ZFYVE28: variants seen among roughly 807,000 people sequenced by gnomAD.
ZFYVE28 encodes zinc finger FYVE-type containing 28, also known as lateral signaling target protein 2 homolog.
A neutral mutation model predicts 82.1 loss-of-function variants in ZFYVE28; 40 were observed. The observed-to-expected ratio is 0.49, with a 90% CI of 0.38 to 0.63. ZFYVE28 has a LOEUF of 0.63. Ranked by LOEUF, ZFYVE28 falls within the 30% of genes least tolerant of loss-of-function variation. ZFYVE28 has a pLI of 0.00. For missense variants in ZFYVE28, 1,321 were observed against 1,242.1 expected (o/e 1.06, Z -0.96); for synonymous variants, 612 against 546.1 (o/e 1.12, Z -1.68).
intron 6 of ZFYVE28, among the ~76,000 whole-genome samples, chr4:2,333,672 G>A (rs1270643987): frequency 1.3e-5 from 2 of 152,118 alleles, no homozygotes. Context: ...AAGCACTCGC[G>A]GAGAACTTTT....
chr4:2,323,859 C>T (rs1340312456), intron 6 of ZFYVE28, among the ~76,000 whole-genome samples: 4 of 152,096 alleles, frequency 2.6e-5, no homozygotes, highest in Non-Finnish European at 5.9e-5. Context: ...CATTTCCCTA[C>T]AAAGGACATG....
At chr4:2,347,939 C>A (rs2092533693) in intron 2 of ZFYVE28, among the ~76,000 whole-genome samples, 1 of 151,716 alleles carries the variant, frequency 6.6e-6, no homozygotes, top group Non-Finnish European at 1.5e-5. Flanking sequence ...AAACCCAAAG[C>A]AAACAGAAGA....
intron 1 of ZFYVE28, among the ~76,000 whole-genome samples, chr4:2,363,025 GT>G (rs1233681929): frequency 7.9e-5 from 12 of 152,126 alleles, no homozygotes; most frequent in African/African-American, 2.9e-4. Flanking sequence ...CCATTACATG[GT>G]GAGTGTCCCC....
intron 7 of ZFYVE28, among the ~76,000 whole-genome samples, chr4:2,315,991 T>C (rs1196744997): frequency 6.6e-6 from 1 of 152,098 alleles, no homozygotes; most frequent in Non-Finnish European, 1.5e-5. Context: ...TTTTCCCCTC[T>C]TTTTTCCTGC....
At chr4:2,292,849 A>G (rs936475683) in intron 8 of ZFYVE28, among the ~76,000 whole-genome samples, 1 of 152,104 alleles carries the variant, frequency 6.6e-6, no homozygotes, top group Non-Finnish European at 1.5e-5. Context: ...TGACAAGAAG[A>G]CGGCTGCCTG....
At chr4:2,338,326 G>A (rs765574539) in intron 4 of ZFYVE28, among the ~76,000 whole-genome samples, 7 of 152,208 alleles carry the variant, frequency 4.6e-5, no homozygotes, top group Non-Finnish European at 7.3e-5. Context: ...AGTAGCTCAC[G>A]CCTGTAATCC....
intron 6 of ZFYVE28, chr4:2,328,810 T>C (rs926117694): frequency 1.0e-4 from 30 of 290,664 alleles, no homozygotes; most frequent in Middle Eastern, 9.8e-4. Context: ...TGTTCTTTTT[T>C]TTTTTTTTTT....
chr4:2,410,256 A>G (rs1191001037), intron 1 of ZFYVE28, among the ~76,000 whole-genome samples: 1 of 151,834 alleles, frequency 6.6e-6, no homozygotes, highest in Non-Finnish European at 1.5e-5. Flanking sequence ...CCTTTAAATC[A>G]TCACTCCCCA....
At position 2,409,058 on chromosome 4, in the gene ZFYVE28, C is replaced by T. The variant is rs762741138; in HGVS notation, c.39+9227G>A. Among the ~76,000 whole-genome samples, 3 of 152,142 alleles carry T rather than the reference C, an allele frequency of 2.0e-5. No homozygotes were observed. The highest frequency in any genetic ancestry group is 1.9e-4 in the East Asian group (1 of 5,198). On this transcript the variant is annotated intron_variant, in intron 1 of 12. Coordinates refer to ENST00000290974, the MANE Select transcript of ZFYVE28 (RefSeq NM_020972.3). This position sits in a 1 kb window ranked among gnomAD's most constrained non-coding sequence, Gnocchi z 4.4. Reference sequence around the variant, plus strand: ...CTCGCAGTGGGGAGGTCTGCCTTTACGCGGTCTGTGACACAGCCCTGAACG... The same window carrying T: ...CTCGCAGTGGGGAGGTCTGCCTTTATGCGGTCTGTGACACAGCCCTGAACG...
At chr4:2,302,234 G>C (rs764875959) in intron 8 of ZFYVE28, among the ~76,000 whole-genome samples, 2 of 152,242 alleles carry the variant, frequency 1.3e-5, no homozygotes, top group African/African-American at 2.4e-5. Context: ...TTCTTCAACT[G>C]TTCCCTTTGG....
At chr4:2,340,613 CT>C (rs745708170) in intron 3 of ZFYVE28, among the ~76,000 whole-genome samples, 3 of 152,198 alleles carry the variant, frequency 2.0e-5, no homozygotes, top group Non-Finnish European at 2.9e-5. Context: ...GTGCCCACCC[CT>C]GTGCATGCAT....
intron 7 of ZFYVE28, among the ~76,000 whole-genome samples, chr4:2,315,066 G>A (rs746221770): frequency 5.3e-5 from 8 of 152,006 alleles, no homozygotes; most frequent in East Asian, 1.9e-4. Context: ...AGGAGCCACC[G>A]CACCTGGCCT....
intron 1 of ZFYVE28, among the ~76,000 whole-genome samples, chr4:2,368,211 C>CTAAAAAA (rs1727093982): frequency 1.2e-5 from 1 of 86,158 alleles, no homozygotes; most frequent in Non-Finnish European, 2.2e-5. Flanking sequence ...CACATCTCTA[C>CTAAAAAA]AAAAAAAAAA....
At position 2,418,169 on chromosome 4, in the gene ZFYVE28, G is replaced by C. The variant is rs1404997781; in HGVS notation, c.39+116C>G. On this transcript the variant is annotated intron_variant, in intron 1 of 12. Coordinates refer to ENST00000290974, the MANE Select transcript of ZFYVE28 (RefSeq NM_020972.3). The surrounding 1 kb of genome is among the most constrained non-coding windows in gnomAD (Gnocchi z 4.6). ...TGGAGGGAAGGATGTCGGCGGTGGG[G>C]GAAGAGGCCGGCCACGGACAGGGAA... The C allele has an allele frequency of 1.1e-6, 1 of 938,632 alleles. No homozygotes were observed. Among genetic ancestry groups the C allele is most frequent in the Middle Eastern group, 2.3e-4 (1 of 4,316 alleles). 58.1% of individuals were successfully genotyped at this position (938,632 alleles called of 1,614,324 possible). A position where few individuals can be genotyped will look rare whatever the true frequency, so the allele number is the denominator to read the frequency against.
chr4:2,271,506 A>G, intron 11 of ZFYVE28, 92 bp from the exon 12 acceptor site: 1 of 1,475,224 alleles, frequency 6.8e-7, no homozygotes, highest in South Asian at 1.2e-5. Flanking sequence ...TCCTTTCCAG[A>G]CTGCCAAGCC....
At chr4:2,367,941 G>A (rs1328848738) in intron 1 of ZFYVE28, among the ~76,000 whole-genome samples, 2 of 152,160 alleles carry the variant, frequency 1.3e-5, no homozygotes, top group Non-Finnish European at 2.9e-5. Context: ...TACCCAGGGC[G>A]ACTTGGTGCG....
intron 8 of ZFYVE28, among the ~76,000 whole-genome samples, chr4:2,280,924 G>A (rs1227313283): frequency 3.3e-5 from 5 of 152,204 alleles, no homozygotes; most frequent in African/African-American, 7.2e-5. Context: ...GGGCCCTGAC[G>A]TTCAACAGAG....
chr4:2,298,109 G>A (rs973828036), intron 8 of ZFYVE28, among the ~76,000 whole-genome samples: 6 of 138,688 alleles, frequency 4.3e-5, no homozygotes, highest in Non-Finnish European at 7.7e-5. Flanking sequence ...GGGGTGACAC[G>A]GTGACACAGT....
In ZFYVE28 at chr4:2,332,260, G is replaced by C. The variant is rs1720831610; in HGVS notation, c.701+3445C>G. ...CCAGGATGCCCACTTCACAGAGGCA[G>C]GATCCTGCGAGGGTGTGGGCCCAGG... On this transcript the variant is annotated intron_variant, in intron 6 of 12. Coordinates refer to ENST00000290974, the MANE Select transcript of ZFYVE28 (RefSeq NM_020972.3). The surrounding 1 kb of genome is among the most constrained non-coding windows in gnomAD (Gnocchi z 4.7). Among the ~76,000 whole-genome samples the C allele has an allele frequency of 6.6e-6, 1 of 152,132 alleles. No homozygotes were observed. Among genetic ancestry groups the C allele is most frequent in the African/African-American group, 2.4e-5 (1 of 41,426 alleles).
Sources: allele counts gnomAD v4.1 joint callset (sites outside exome capture counted in the v4.1 genomes callset), GRCh38; gene constraint gnomAD v4.1.1; non-coding constraint Gnocchi (gnomAD v3.1); transcripts MANE v1.5; gene names NCBI Gene and HGNC (gene_info 2026-07-23, HGNC 2026-07-21).